POU2F2: variants seen among roughly 807,000 people sequenced by gnomAD.
POU2F2 encodes the protein POU domain, class 2, transcription factor 2.
In POU2F2, 14 loss-of-function variants were observed where a neutral mutation model predicts 63.5. That is an observed-to-expected ratio of 0.22 (90% CI 0.15 to 0.34). The LOEUF is 0.34. Ranked by LOEUF, POU2F2 falls within the 10% of genes least tolerant of loss-of-function variation. The pLI is 1.00. For synonymous variants in POU2F2, 306 were observed against 348.6 expected (o/e 0.88, Z 1.36); for missense variants, 607 against 815.2 (o/e 0.74, Z 3.11).
chr19:42,156,943 G>A lies in POU2F2; in HGVS notation c.-9+3389C>T, dbSNP rs1243134921. On this transcript the variant is annotated intron_variant, in intron 2 of 6. Coordinates refer to the POU2F2 transcript ENST00000524801. This position sits in a 1 kb window ranked among gnomAD's most constrained non-coding sequence, Gnocchi z 4.1. ...ATTCAGGACTCCCCTCAGGGTGTGT[G>A]AGCACCCTGGGGCACATGCCTGTTG... The A allele has an allele frequency of 6.6e-6, 1 of 152,232 alleles. No individual in the cohort carries two copies. Among genetic ancestry groups the A allele is most frequent in the Non-Finnish European group, 1.5e-5 (1 of 68,066 alleles). The allele number at this position is 152,232 out of a possible 1,614,324, so 9.4% of individuals were successfully genotyped here.
chr19:42,118,043 G>T (rs1447320908), intron 4 of POU2F2, among the ~76,000 whole-genome samples: 1 of 152,118 alleles, frequency 6.6e-6, no homozygotes, highest in African/African-American at 2.4e-5. Flanking sequence ...TCCCACCTCA[G>T]CTTTCCAAGC....
At chr19:42,187,891 T>C (rs1421862892) in intron 1 of POU2F2, among the ~76,000 whole-genome samples, 2 of 151,726 alleles carry the variant, frequency 1.3e-5, no homozygotes, top group Non-Finnish European at 2.9e-5. Context: ...AGGCCACCCC[T>C]AAGAGGTCCC....
intron 5 of POU2F2, among the ~76,000 whole-genome samples, chr19:42,104,383 G>A (rs1039695823): frequency 1.3e-5 from 2 of 151,920 alleles, no homozygotes; most frequent in South Asian, 4.2e-4. Flanking sequence ...TGGCCTTCTA[G>A]AGAGGTGCAA....
chr19:42,194,758 C>CAA (rs71167389), intron 1 of POU2F2, among the ~76,000 whole-genome samples: 12 of 21,740 alleles, frequency 5.5e-4, no homozygotes, highest in East Asian at 3.0e-3. Context: ...GACTCTGTCT[C>CAA]AAAAAAAAAA....
At position 42,122,494 on chromosome 19, in the gene POU2F2, G is replaced by A. The variant is rs2032755885; in HGVS notation, c.94+17C>T. The A allele has an allele frequency of 6.2e-7, 1 of 1,609,990 alleles. No homozygotes were observed. Among genetic ancestry groups the A allele is most frequent in the African/African-American group, 1.3e-5 (1 of 74,652 alleles). On this transcript the variant is annotated intron_variant, in intron 2 of 14. Coordinates refer to ENST00000692977, the MANE Select transcript of POU2F2 (RefSeq NM_001394376.1). Reference sequence around the variant, plus strand: ...TGCCCACGGTGACCCCTGCCCCCCTGCTCCCTGCCCACCCACCTGTGTGCT... The same window carrying A: ...TGCCCACGGTGACCCCTGCCCCCCTACTCCCTGCCCACCCACCTGTGTGCT...
chr19:42,137,340 AAAAT>A (rs899878788), upstream of POU2F2, among the ~76,000 whole-genome samples: 4 of 151,742 alleles, frequency 2.6e-5, no homozygotes, highest in Admixed American at 6.6e-5. Flanking sequence ...CTCAATCTCT[AAAAT>A]AAATAAATAA....
chr19:42,161,681 G>C (rs1032027643), intron 1 of POU2F2, among the ~76,000 whole-genome samples: 6 of 152,130 alleles, frequency 3.9e-5, no homozygotes, highest in African/African-American at 9.7e-5. Flanking sequence ...AGAAGCAAAA[G>C]GGGGGTAAAA....
At chr19:42,108,481 G>A (rs1006482771) in intron 5 of POU2F2, among the ~76,000 whole-genome samples, 3 of 152,092 alleles carry the variant, frequency 2.0e-5, no homozygotes, top group African/African-American at 7.2e-5. Flanking sequence ...AGACTGAGGT[G>A]GGAGGATGGC....
intron 1 of POU2F2, among the ~76,000 whole-genome samples, chr19:42,190,024 G>T (rs922256132): frequency 6.6e-6 from 1 of 152,198 alleles, no homozygotes; most frequent in Non-Finnish European, 1.5e-5. Flanking sequence ...GCTGCACCTG[G>T]TGAGTTTTTT....
intron 1 of POU2F2, among the ~76,000 whole-genome samples, chr19:42,164,571 A>C (rs1397919526): frequency 8.6e-6 from 1 of 116,820 alleles, no homozygotes; most frequent in Admixed American, 9.1e-5. Context: ...ACTCTGTCTC[A>C]AAAAAAAAAA....
At chr19:42,119,200 G>A (rs949864544) in intron 4 of POU2F2, among the ~76,000 whole-genome samples, 1 of 151,940 alleles carries the variant, frequency 6.6e-6, no homozygotes, top group Non-Finnish European at 1.5e-5. Flanking sequence ...CACTGAGTAT[G>A]AGAAGTCAGG....
intron 5 of POU2F2, among the ~76,000 whole-genome samples, chr19:42,106,139 T>C (rs920485506): frequency 4.6e-5 from 7 of 151,764 alleles, no homozygotes; most frequent in African/African-American, 1.5e-4. Context: ...TCTCCCTCTG[T>C]CACCCTGGCT....
chr19:42,194,905 G>A lies in POU2F2; in HGVS notation c.-70+1478C>T, dbSNP rs183693678. On this transcript the variant is annotated intron_variant, in intron 1 of 5. Coordinates refer to the POU2F2 transcript ENST00000532176. ...GAAGGAAGGAAGAAAGGGAGGGAGGGAAGGAGGAAGGAAGGGAAGGAGGAA... is the reference window on the plus strand; with the variant it reads ...GAAGGAAGGAAGAAAGGGAGGGAGGAAAGGAGGAAGGAAGGGAAGGAGGAA... Among the ~76,000 whole-genome samples, 5 of 121,910 alleles carry A rather than the reference G, an allele frequency of 4.1e-5. No individual in the cohort carries two copies. In the East Asian group the frequency reaches 9.6e-4, roughly 23 times the overall value. 80.0% of individuals were successfully genotyped at this position (121,910 alleles called of 152,430 possible).
In POU2F2 at chr19:42,117,592, A is replaced by G. The variant is rs1381567594; in HGVS notation, c.187-160T>C. ...GCCTCAGTTTCCTCATCAATCAGATAGGGCTAACACAACACCTGCACCCAA... is the reference window on the plus strand; with the variant it reads ...GCCTCAGTTTCCTCATCAATCAGATGGGGCTAACACAACACCTGCACCCAA... On this transcript the variant is annotated intron_variant, in intron 4 of 14. Coordinates refer to ENST00000692977, the MANE Select transcript of POU2F2 (RefSeq NM_001394376.1). This position sits in a 1 kb window ranked among gnomAD's most constrained non-coding sequence, Gnocchi z 4.4. 6.6e-6 allele frequency among the ~76,000 whole-genome samples: 1 copy of G among 152,148 alleles called. No individual in the cohort carries two copies. Among genetic ancestry groups the G allele is most frequent in the East Asian group, 1.9e-4 (1 of 5,184 alleles).
At chr19:42,170,355 C>G (rs1210077437) in intron 1 of POU2F2, among the ~76,000 whole-genome samples, 1 of 151,022 alleles carries the variant, frequency 6.6e-6, no homozygotes, top group South Asian at 2.1e-4. Context: ...CATGGGCCAC[C>G]AGATACATGG....
At chr19:42,160,768 G>C (rs1003377166) in intron 1 of POU2F2, among the ~76,000 whole-genome samples, 1 of 152,174 alleles carries the variant, frequency 6.6e-6, no homozygotes, top group African/African-American at 2.4e-5. Context: ...AACGGACGAC[G>C]GAGTGAATGG....
In POU2F2 at chr19:42,169,461, T is replaced by C. The variant is rs1482241472; in HGVS notation, c.-70+6502A>G. Among the ~76,000 whole-genome samples the C allele has an allele frequency of 6.6e-6, 1 of 152,206 alleles. No homozygotes were observed. The highest frequency in any genetic ancestry group is 1.5e-5 in the Non-Finnish European group (1 of 68,028). On this transcript the variant is annotated intron_variant, in intron 1 of 6. Transcript: ENST00000524801. The surrounding 1 kb of genome is among the most constrained non-coding windows in gnomAD (Gnocchi z 4.3). ...ATGTGTTTACCCCTGTTTCCAAACC[T>C]GGTGTGTCCATTTTGGCATCTCTGT... is the stretch of plus-strand genomic sequence containing the variant.
chr19:42,194,758 C>CAAAAA (rs71167389), intron 1 of POU2F2, among the ~76,000 whole-genome samples: 11 of 21,742 alleles, frequency 5.1e-4, no homozygotes, highest in African/African-American at 2.2e-3. Context: ...GACTCTGTCT[C>CAAAAA]AAAAAAAAAA....
intron 2 of POU2F2, among the ~76,000 whole-genome samples, chr19:42,139,991 C>T (rs952870223): frequency 6.6e-6 from 1 of 152,214 alleles, no homozygotes; most frequent in Admixed American, 6.5e-5. Context: ...AACCCAGAGG[C>T]TTGTTGACCC....
Sources: allele counts gnomAD v4.1 joint callset (sites outside exome capture counted in the v4.1 genomes callset), GRCh38; gene constraint gnomAD v4.1.1; non-coding constraint Gnocchi (gnomAD v3.1); transcripts MANE v1.5; gene names NCBI Gene and HGNC (gene_info 2026-07-23, HGNC 2026-07-21).